The following LRRC7 variants were observed in gnomAD, a reference collection of about 807,000 sequenced individuals.
LRRC7 encodes leucine rich repeat containing 7, also known as leucine-rich repeat-containing protein 7.
A neutral mutation model predicts 175.7 loss-of-function variants in LRRC7; 23 were observed. The observed-to-expected ratio is 0.13, with a 90% CI of 0.09 to 0.19. The LOEUF (loss-of-function observed/expected upper bound fraction) is 0.19. Ranked by LOEUF, LRRC7 falls within the 10% of genes least tolerant of loss-of-function variation. The pLI is 1.00. For missense variants in LRRC7, 1,354 were observed against 1,904.7 expected, an observed-to-expected ratio of 0.71 and a Z score of 5.38; for synonymous variants, 685 against 680.9, an observed-to-expected ratio of 1.01 and a Z score of -0.09.
chr1:69,822,603 T>C (rs1289588350), intron 4 of LRRC7, among the ~76,000 whole-genome samples: 2 of 152,196 alleles, frequency 1.3e-5, no homozygotes, highest in African/African-American at 4.8e-5. Context: ...GAGGTAGGCC[T>C]CTAAGACAAT....
rs150880699 is a variant in LRRC7 at position 69,963,277 on chromosome 1, G to C, written c.712-17102G>C. ...CTGAGATCTGGGCCACTGTACTCCAGCCTGGGTGACAGAGCAAGACACCGT... is the reference window on the plus strand; with the variant it reads ...CTGAGATCTGGGCCACTGTACTCCACCCTGGGTGACAGAGCAAGACACCGT... On this transcript the variant is annotated intron_variant, in intron 8 of 26. Transcript: ENST00000651989. Among the ~76,000 whole-genome samples, 664 of 149,512 alleles carry C rather than the reference G, an allele frequency of 4.4e-3. 7 individuals are homozygous for C. Among genetic ancestry groups the C allele is most frequent in the African/African-American group, 0.015 (614 of 40,188 alleles).
intron 15 of LRRC7, among the ~76,000 whole-genome samples, chr1:70,019,038 C>G (rs1416232839): frequency 2.6e-5 from 4 of 151,980 alleles, no homozygotes; most frequent in Admixed American, 2.6e-4. Flanking sequence ...ATCTTTATAT[C>G]TTACATAAAA....
At chr1:69,864,077 C>G (rs1684645474) in intron 7 of LRRC7, among the ~76,000 whole-genome samples, 1 of 152,082 alleles carries the variant, frequency 6.6e-6, no homozygotes, top group Non-Finnish European at 1.5e-5. Flanking sequence ...CTTTATGGCT[C>G]AAGGAAGAAA....
chr1:69,675,575 T>A (rs1349629086), intron 1 of LRRC7, among the ~76,000 whole-genome samples: 1 of 152,154 alleles, frequency 6.6e-6, no homozygotes, highest in Non-Finnish European at 1.5e-5. Flanking sequence ...ATTTACTATC[T>A]TAAGCTTGTA....
chr1:69,698,456 C>T (rs1338668977), intron 2 of LRRC7, among the ~76,000 whole-genome samples: 2 of 152,186 alleles, frequency 1.3e-5, no homozygotes, highest in African/African-American at 2.4e-5. Flanking sequence ...CAATGGCTCT[C>T]GCCAAAGCTA....
At chr1:70,085,803 G>A (rs1416922980) in intron 24 of LRRC7, among the ~76,000 whole-genome samples, 1 of 151,964 alleles carries the variant, frequency 6.6e-6, no homozygotes. Context: ...CTTATTTGTT[G>A]TTTATGTTTG....
At chr1:69,688,677 A>T (rs1661488023) in intron 2 of LRRC7, among the ~76,000 whole-genome samples, 1 of 148,990 alleles carries the variant, frequency 6.7e-6, no homozygotes, top group African/African-American at 2.5e-5. Context: ...TTAGGAAAAT[A>T]CTCCCTATTT....
intron 7 of LRRC7, among the ~76,000 whole-genome samples, chr1:69,885,522 T>G (rs1371761753): frequency 7.1e-6 from 1 of 140,940 alleles, no homozygotes; most frequent in Non-Finnish European, 1.5e-5. Flanking sequence ...TCTTTATTAG[T>G]CTTGCTAGCA....
At position 69,687,093 on chromosome 1, in the gene LRRC7, T is replaced by C. The variant is rs192198021; in HGVS notation, c.100+8615T>C. Among the ~76,000 whole-genome samples, 5 of 152,318 alleles carry C rather than the reference T, an allele frequency of 3.3e-5. No homozygotes were observed. In the East Asian group the frequency reaches 9.6e-4, roughly 29 times the overall value. ...TTACAAATATGTATTTTCTTAAATT[T>C]TGTTTCATTAGCTTTGCTGTATCTT... On this transcript the variant is annotated intron_variant, in intron 2 of 26. Transcript: ENST00000651989.
At position 70,127,252 on chromosome 1, in the gene LRRC7, C is replaced by G. The variant is rs1214965423; in HGVS notation, c.*5365C>G. On this transcript the variant is annotated 3_prime_UTR_variant, in exon 27 of 27. Transcript: ENST00000651989. The stretch of plus-strand genomic sequence containing the variant: ...GAACTTTCTCTAAGCCTCTCAGCTT[C>G]TTACTGAGACAGGTTCCAATCTTCC... 6.6e-6 allele frequency among the ~76,000 whole-genome samples: 1 copy of G among 152,148 alleles called. No individual in the cohort carries two copies. The highest frequency in any genetic ancestry group is 1.5e-5 in the Non-Finnish European group (1 of 68,030).
chr1:69,968,665 A>G (rs1237744570), intron 8 of LRRC7, among the ~76,000 whole-genome samples: 1 of 152,166 alleles, frequency 6.6e-6, no homozygotes, highest in Non-Finnish European at 1.5e-5. Context: ...CTCAAACAAC[A>G]CAATTATCAG....
intron 1 of LRRC7, among the ~76,000 whole-genome samples, chr1:69,665,138 T>C (rs1341259296): frequency 2.0e-5 from 3 of 152,136 alleles, no homozygotes; most frequent in African/African-American, 7.2e-5. Flanking sequence ...TATCTCTGGG[T>C]TCTCCATTCT....
At chr1:69,982,355 G>T (rs1370705817) in intron 9 of LRRC7, among the ~76,000 whole-genome samples, 9 of 152,174 alleles carry the variant, frequency 5.9e-5, no homozygotes, top group African/African-American at 2.2e-4. Flanking sequence ...TGGCTTTCTG[G>T]ATGTTGGCGC....
chr1:70,083,563 T>C (rs1166769339), intron 24 of LRRC7, among the ~76,000 whole-genome samples: 6 of 152,172 alleles, frequency 3.9e-5, no homozygotes, highest in Admixed American at 2.6e-4. Flanking sequence ...TTGACCTTTT[T>C]CTCCAAAATT....
At chr1:69,947,340 C>G (rs1649445150) in intron 8 of LRRC7, among the ~76,000 whole-genome samples, 1 of 151,688 alleles carries the variant, frequency 6.6e-6, no homozygotes, top group African/African-American at 2.4e-5. Flanking sequence ...TGTTATTTTT[C>G]TTCTCTTTCT....
At chr1:69,957,847 A>T (rs2101836933) in intron 8 of LRRC7, among the ~76,000 whole-genome samples, 2 of 152,010 alleles carry the variant, frequency 1.3e-5, no homozygotes, top group East Asian at 3.9e-4. Context: ...TAATGACCTT[A>T]TTTGTTTTCC....
Position 70,138,594 on chromosome 1 carries a change from T to C in LRRC7, c.*16707T>C, listed in dbSNP as rs1666955666. 6.6e-6 allele frequency: 1 copy of C among 152,218 alleles called. No individual in the cohort carries two copies. The highest frequency in any genetic ancestry group is 2.4e-5 in the African/African-American group (1 of 41,458). The allele number at this position is 152,218 out of a possible 1,614,324, so 9.4% of individuals were successfully genotyped here. On this transcript the variant is annotated 3_prime_UTR_variant, in exon 27 of 27. Coordinates refer to ENST00000651989, the MANE Select transcript of LRRC7 (RefSeq NM_001370785.2). The stretch of plus-strand genomic sequence containing the variant: ...TCATTTGTACAACCTCATAGAAAGT[T>C]GAGAGGATTAATCAAATTGTTTCAA...
intron 2 of LRRC7, among the ~76,000 whole-genome samples, chr1:69,688,748 G>T (rs1008229778): frequency 6.6e-6 from 1 of 151,744 alleles, no homozygotes; most frequent in South Asian, 2.1e-4. Flanking sequence ...TGTACACCAG[G>T]AGAATGCTAT....
rs1667118843 is a variant in LRRC7 at position 70,142,840 on chromosome 1, A to G, written c.*20953A>G. 1.3e-5 allele frequency: 2 copies of G among 152,124 alleles called. No individual in the cohort carries two copies. Among genetic ancestry groups the G allele is most frequent in the Non-Finnish European group, 2.9e-5 (2 of 67,968 alleles). 9.4% of individuals were successfully genotyped at this position (152,124 alleles called of 1,614,324 possible). A position where few individuals can be genotyped will look rare whatever the true frequency, so the allele number is the denominator to read the frequency against. ...AGCAATTCTGAAGGAAGACAGTGGT[A>G]GGTTTTCAGATGGTTTGTTAAGAAT... On this transcript the variant is annotated 3_prime_UTR_variant, in exon 27 of 27. Coordinates refer to ENST00000651989, the MANE Select transcript of LRRC7 (RefSeq NM_001370785.2).
Sources: gnomAD v4.1 joint callset for allele counts (sites outside exome capture counted in the v4.1 genomes callset) on GRCh38, gnomAD v4.1.1 for gene constraint, MANE v1.5 for transcripts, NCBI Gene and HGNC (gene_info 2026-07-23, HGNC 2026-07-21) for gene names.